The following BICC1 variants were observed in gnomAD, a reference collection of about 807,000 sequenced individuals.
BICC1 encodes the protein protein bicaudal C homolog 1.
A neutral mutation model predicts 111.0 loss-of-function variants in BICC1; 43 were observed. The ratio of observed to expected loss-of-function variants is 0.39; its 90% CI spans 0.30 to 0.50. The LOEUF (loss-of-function observed/expected upper bound fraction) is 0.50. Ranked by LOEUF, BICC1 falls within the 20% of genes least tolerant of loss-of-function variation. The pLI is 0.88. For missense variants in BICC1, 1,091 were observed against 1,203.2 expected (o/e 0.91, Z 1.38); for synonymous variants, 467 against 434.4 (o/e 1.07, Z -0.93).
Position 58,807,039 on chromosome 10 carries a change from A to G in BICC1, c.2257A>G (p.Thr753Ala). 6.2e-7 allele frequency: 1 copy of G among 1,613,858 alleles called. No individual in the cohort carries two copies. Among genetic ancestry groups the G allele is most frequent in the Non-Finnish European group, 8.5e-7 (1 of 1,179,878 alleles). ...GAAACCAGTGGTGACGGAGGTCAGA[A>G]CGCCCACAAATACCTGGAGTGGCCT... ...LKKPVVTEVRTPTNTWSGLGF... is the reference protein window; with the variant it reads ...LKKPVVTEVRAPTNTWSGLGF... Residue 753 changes from threonine to alanine, a missense_variant, in exon 17 of 21, where the codon ACG (threonine) becomes GCG (alanine). This residue lies in a region of BICC1 where 17 missense variants were observed against 46.2 expected (regional missense o/e 0.37). Coordinates refer to ENST00000373886, the MANE Select transcript of BICC1 (RefSeq NM_001080512.3).
At chr10:58,567,635 A>G (rs1243307393) in intron 1 of BICC1, among the ~76,000 whole-genome samples, 2 of 151,978 alleles carry the variant, frequency 1.3e-5, no homozygotes, top group Admixed American at 6.6e-5. Flanking sequence ...ATGTTTCAGC[A>G]TACTTTTTTG....
intron 1 of BICC1, among the ~76,000 whole-genome samples, chr10:58,600,431 C>T (rs1387557292): frequency 2.6e-5 from 4 of 152,126 alleles, no homozygotes; most frequent in Non-Finnish European, 5.9e-5. Context: ...CTGTACACGA[C>T]TTACTGGAAG....
At chr10:58,764,040 A>G (rs1293113292) in intron 3 of BICC1, among the ~76,000 whole-genome samples, 4 of 151,852 alleles carry the variant, frequency 2.6e-5, no homozygotes, top group Admixed American at 6.6e-5. Flanking sequence ...CTCAGAAGGT[A>G]CAGGTACAGG....
rs547049115 is a variant in BICC1 at position 58,796,370 on chromosome 10, G to A, written c.1210G>A (p.Ala404Thr). Residue 404 changes from alanine (A) to threonine (T), a missense_variant, in exon 10 of 21, where the codon GCC becomes ACC. Coordinates refer to ENST00000373886, the MANE Select transcript of BICC1 (RefSeq NM_001080512.3). The part of the protein sequence containing the change: ...SVIVKSVERN[A>T]LNMYEARKCL... ...GATTGTGAAAAGTGTTGAGCGAAAT[G>A]CCTTAAATATGTATGAAGCAAGGAA... is the stretch of plus-strand genomic sequence containing the variant. 44 of 1,613,888 alleles carry A rather than the reference G, an allele frequency of 2.7e-5. No homozygotes were observed. The South Asian group carries it at 4.7e-4, about 17-fold the overall frequency.
chr10:58,593,326 T>TA (rs35289563), intron 1 of BICC1, among the ~76,000 whole-genome samples: 43,914 of 151,810 alleles, frequency 0.29, 6,617 homozygotes, highest in East Asian at 0.45. Context: ...TCAGCAGAAT[T>TA]AATGTCCCTG....
intron 2 of BICC1, 48 bp downstream of exon 2, chr10:58,620,949 A>C (rs1222456930): frequency 6.5e-7 from 1 of 1,535,760 alleles, no homozygotes; most frequent in Non-Finnish European, 9.0e-7. Context: ...GAGGAAATAT[A>C]CTTATCTCAA....
chr10:58,545,287 A>G lies in BICC1; in HGVS notation c.190+31954A>G, dbSNP rs532395241. Among the ~76,000 whole-genome samples the G allele has an allele frequency of 7.9e-5, 12 of 152,254 alleles. No homozygotes were observed. In the South Asian group the frequency reaches 2.3e-3, roughly 29 times the overall value. On this transcript the variant is annotated intron_variant, in intron 1 of 20. Coordinates refer to ENST00000373886, the MANE Select transcript of BICC1 (RefSeq NM_001080512.3). ...GCACTCTAAGAAACTAGTTTCCCTA[A>G]AAATAAAGAAAAAAGGAAAAAAAGA...
At chr10:58,692,165 TGA>T (rs1839928943) in intron 2 of BICC1, among the ~76,000 whole-genome samples, 3 of 151,710 alleles carry the variant, frequency 2.0e-5, no homozygotes, top group South Asian at 2.1e-4. Context: ...ATACTGAGTA[TGA>T]GAGAGAGAAA....
At chr10:58,776,247 A>G (rs1842746010) in intron 3 of BICC1, among the ~76,000 whole-genome samples, 1 of 152,180 alleles carries the variant, frequency 6.6e-6, no homozygotes, top group South Asian at 2.1e-4. Context: ...TTAAATGCAT[A>G]GTGTCTTACT....
chr10:58,652,028 A>G (rs1240093395), intron 2 of BICC1, among the ~76,000 whole-genome samples: 1 of 152,070 alleles, frequency 6.6e-6, no homozygotes, highest in Non-Finnish European at 1.5e-5. Flanking sequence ...GATAGAAAGC[A>G]TATTTAAAGT....
At chr10:58,598,701 A>G (rs1588910680) in intron 1 of BICC1, among the ~76,000 whole-genome samples, 1 of 152,212 alleles carries the variant, frequency 6.6e-6, no homozygotes, top group Non-Finnish European at 1.5e-5. Context: ...AAAAGAAACT[A>G]TCATCAGAGT....
intron 1 of BICC1, among the ~76,000 whole-genome samples, chr10:58,614,559 G>A (rs1259471036): frequency 6.6e-6 from 1 of 152,168 alleles, no homozygotes; most frequent in East Asian, 1.9e-4. Context: ...TGCTAAAGGT[G>A]CAGGTTTCTG....
intron 3 of BICC1, among the ~76,000 whole-genome samples, chr10:58,705,750 G>A (rs1465430920): frequency 6.6e-6 from 1 of 152,060 alleles, no homozygotes; most frequent in Non-Finnish European, 1.5e-5. Flanking sequence ...TTTTTACATG[G>A]GTTTATTGCA....
In BICC1 at chr10:58,641,729, A is replaced by G. The variant is rs190393025; in HGVS notation, c.237+20828A>G. ...GCTGTGGGGTTAACAATGTGGTTAT[A>G]TAGATAAAACCTCTTTTGAGAGATT... On this transcript the variant is annotated intron_variant, in intron 2 of 20. Coordinates refer to ENST00000373886, the MANE Select transcript of BICC1 (RefSeq NM_001080512.3). Among the ~76,000 whole-genome samples the G allele has an allele frequency of 6.1e-3, 931 of 152,320 alleles. 32 individuals are homozygous for G. Among genetic ancestry groups the G allele is most frequent in the Admixed American group, 0.053 (810 of 15,294 alleles).
In BICC1 at chr10:58,661,516, A is replaced by T. The variant is rs1443420410; in HGVS notation, c.238-40558A>T. The stretch of plus-strand genomic sequence containing the variant: ...TTCCATGGCTGTGTGATTCATGATG[A>T]TCTAAGACCTTTCATCTGTTTTTCA... On this transcript the variant is annotated intron_variant, in intron 2 of 20. Coordinates refer to ENST00000373886, the MANE Select transcript of BICC1 (RefSeq NM_001080512.3). Among the ~76,000 whole-genome samples, 9 of 152,270 alleles carry T rather than the reference A, an allele frequency of 5.9e-5. No homozygotes were observed. The South Asian group carries it at 1.9e-3, about 32-fold the overall frequency.
chr10:58,829,554 T>G lies in BICC1; in HGVS notation c.*663T>G, dbSNP rs906500312. 2 of 152,124 alleles carry G rather than the reference T, an allele frequency of 1.3e-5. No individual in the cohort carries two copies. The highest frequency in any genetic ancestry group is 4.8e-5 in the African/African-American group (2 of 41,450). 9.4% of individuals were successfully genotyped at this position (152,124 alleles called of 1,614,324 possible). A position where few individuals can be genotyped will look rare whatever the true frequency, so the allele number is the denominator to read the frequency against. The stretch of plus-strand genomic sequence containing the variant: ...TTCTGTGCAGAATATTCTGTGATTT[T>G]GGGAAATGTAAGTGAGTCCACTTGC... On this transcript the variant is annotated 3_prime_UTR_variant, in exon 21 of 21. Transcript: ENST00000373886.
At chr10:58,554,496 C>G (rs1843387653) in intron 1 of BICC1, among the ~76,000 whole-genome samples, 2 of 152,128 alleles carry the variant, frequency 1.3e-5, no homozygotes, top group Non-Finnish European at 2.9e-5. Context: ...CTTAGGCAAA[C>G]AGGCATTCTT....
chr10:58,812,529 A>G (rs2132934174), intron 17 of BICC1, among the ~76,000 whole-genome samples: 1 of 151,416 alleles, frequency 6.6e-6, no homozygotes, highest in East Asian at 1.9e-4. Context: ...CCCAGGCTGA[A>G]GTGCAGTGGC....
intron 3 of BICC1, among the ~76,000 whole-genome samples, chr10:58,737,432 C>A (rs1044884857): frequency 6.6e-6 from 1 of 152,156 alleles, no homozygotes; most frequent in Non-Finnish European, 1.5e-5. Flanking sequence ...ATGAACTCAT[C>A]CTTCTTTATG....
Sources: gnomAD v4.1 joint callset for allele counts (sites outside exome capture counted in the v4.1 genomes callset) on GRCh38, gnomAD v4.1.1 for gene constraint, gnomAD v4.1.1 regional missense constraint, MANE v1.5 for transcripts, NCBI Gene and HGNC (gene_info 2026-07-23, HGNC 2026-07-21) for gene names.